Variants in SYCN observed in about 807,000 individuals in gnomAD.
SYCN encodes the protein insulin synthesis associated 1.
A neutral mutation model predicts 12.6 loss-of-function variants in SYCN; 16 were observed. The observed-to-expected ratio is 1.27, with a 90% confidence interval of 0.86 to 1.92. The LOEUF is 1.92. SYCN is among the 30% of genes most tolerant of loss of function. The probability of loss-of-function intolerance (pLI) is 0.00; values close to 1 mark genes in which losing one functional copy is unlikely to be tolerated. For missense variants in SYCN, 226 were observed against 181.8 expected (o/e 1.24, Z -1.40); for synonymous variants, 97 against 88.4 (o/e 1.10, Z -0.55).
rs1467173736 is a variant in SYCN, at chr19:39,204,025, G to C, written c.230C>G (p.Ala77Gly). ...PYLPSNWANT[A>G]SSLVVAPRCE... ...GCGCGGGGCCACCACAAGTGAGGAG[G>C]CGGTGTTGGCCCAGTTGGAGGGCAG... Residue 77 changes from alanine (A) to glycine (G), a missense_variant, in exon 1 of 2, where the codon GCC (alanine) becomes GGC (glycine). Coordinates refer to ENST00000318438, the MANE Select transcript of SYCN (RefSeq NM_001080468.4). The C allele has an allele frequency of 6.2e-7, 1 of 1,612,034 alleles. No individual in the cohort carries two copies. The highest frequency in any genetic ancestry group is 8.5e-7 in the Non-Finnish European group (1 of 1,179,140).
chr19:39,203,646 G>A (rs1476245004), intron 1 of SYCN, among the ~76,000 whole-genome samples: 1 of 151,892 alleles, frequency 6.6e-6, no homozygotes, highest in Non-Finnish European at 1.5e-5. Context: ...GTGGGGACCG[G>A]GTGCTGGGGG....
At position 39,203,555 on chromosome 19, in the gene SYCN, A is replaced by G. The variant is rs1171568139; in HGVS notation, c.395+305T>C. Reference sequence around the variant, plus strand: ...CTGTGGGCGGGTGGGTAGGCGGAAGATTCCAGAAGGTGGAGGGTTGGCTCT... The same window carrying G: ...CTGTGGGCGGGTGGGTAGGCGGAAGGTTCCAGAAGGTGGAGGGTTGGCTCT... On this transcript the variant is annotated intron_variant, in intron 1 of 1. Transcript: ENST00000318438. 2.0e-5 allele frequency among the ~76,000 whole-genome samples: 3 copies of G among 151,950 alleles called. No homozygotes were observed. The East Asian group carries it at 5.8e-4, about 29-fold the overall frequency.
Position 39,204,149 on chromosome 19 carries a change from GCGTCCCGTC to G in SYCN, c.97_105del (p.Asp33_Thr35del). On this transcript the variant is annotated inframe_deletion, in exon 1 of 2. Transcript: ENST00000318438. ...TTGTCATAGAGCTTGGCGCAAGTGC[GCGTCCCGTC>G]CGAGTGCTTGAGGTCGGCGGAGGCG... The G allele has an allele frequency of 6.2e-7, 1 of 1,612,716 alleles. No individual in the cohort carries two copies. The highest frequency in any genetic ancestry group is 8.5e-7 in the Non-Finnish European group (1 of 1,179,702).
chr19:39,203,723 G>A, intron 1 of SYCN, 137 bp downstream of exon 1: 2 of 1,058,456 alleles, frequency 1.9e-6, no homozygotes. Context: ...TGGTTCTAGG[G>A]AGGCCTGGTG....
chr19:39,203,369 G>A (rs532104074), intron 1 of SYCN, among the ~76,000 whole-genome samples: 2 of 151,982 alleles, frequency 1.3e-5, no homozygotes, highest in South Asian at 2.1e-4. Context: ...TCCTATAATC[G>A]AGTCTGGAGT....
chr19:39,203,368 C>T (rs2074796243), intron 1 of SYCN, among the ~76,000 whole-genome samples: 1 of 151,548 alleles, frequency 6.6e-6, no homozygotes, highest in South Asian at 2.1e-4. Context: ...TTCCTATAAT[C>T]GAGTCTGGAG....
Position 39,204,047 on chromosome 19 carries a change from G to A in SYCN, c.208C>T (p.Pro70Ser). Residue 70 changes from proline (P) to serine (S), a missense_variant, in exon 1 of 2, where the codon CCC becomes TCC. Physicochemically the swap from Pro to Ser is moderately conservative, Grantham distance 74 (BLOSUM62 -1). Coordinates refer to ENST00000318438, the MANE Select transcript of SYCN (RefSeq NM_001080468.4). ...LESGADLPYL[P>S]SNWANTASSL... ...GAGGCGGTGTTGGCCCAGTTGGAGG[G>A]CAGGTAGGGCAGGTCTGCGCCCGAC... The A allele has an allele frequency of 6.2e-7, 1 of 1,612,590 alleles. No individual in the cohort carries two copies. Among genetic ancestry groups the A allele is most frequent in the Non-Finnish European group, 8.5e-7 (1 of 1,179,370 alleles).
chr19:39,204,007 G>A lies in SYCN; in HGVS notation c.248C>T (p.Ala83Val). The change falls in exon 1 of 2, where the codon GCC becomes GTC. Residue 83 changes from alanine to valine, a missense_variant. By Grantham distance (64) the Ala-to-Val change is moderately conservative. Transcript: ENST00000318438. Reference protein sequence around the residue: ...WANTASSLVVAPRCELTVWSR... With the variant: ...WANTASSLVVVPRCELTVWSR... Reference sequence around the variant, plus strand: ...CCACACGGTGAGCTCGCAGCGCGGGGCCACCACAAGTGAGGAGGCGGTGTT... The same window carrying A: ...CCACACGGTGAGCTCGCAGCGCGGGACCACCACAAGTGAGGAGGCGGTGTT... 6.2e-7 allele frequency: 1 copy of A among 1,610,890 alleles called. No homozygotes were observed. The highest frequency in any genetic ancestry group is 8.5e-7 in the Non-Finnish European group (1 of 1,178,754).
rs1048699291 is a variant in SYCN at position 39,204,121 on chromosome 19, C to T, written c.134G>A (p.Ser45Asn). 2.5e-6 allele frequency: 4 copies of T among 1,613,060 alleles called. No homozygotes were observed. The highest frequency in any genetic ancestry group is 3.4e-6 in the Non-Finnish European group (4 of 1,179,726). The stretch of plus-strand genomic sequence containing the variant: ...GCAGCAGTTCTCATAGTAGGGGTCG[C>T]TCTTGTCATAGAGCTTGGCGCAAGT... ...TRTCAKLYDK[S>N]DPYYENCCGG... is the part of the protein sequence containing the mutation. Residue 45 changes from serine (S) to asparagine (N), a missense_variant, in exon 1 of 2, where the codon AGC becomes AAC. Coordinates refer to ENST00000318438, the MANE Select transcript of SYCN (RefSeq NM_001080468.4).
At position 39,203,856 on chromosome 19, in the gene SYCN, G is replaced by A. The variant is rs541002344; in HGVS notation, c.395+4C>T. On this transcript the variant is annotated splice_donor_region_variant and intron_variant, in intron 1 of 1. Coordinates refer to ENST00000318438, the MANE Select transcript of SYCN (RefSeq NM_001080468.4). The stretch of plus-strand genomic sequence containing the variant: ...TGGGCTCGGAGCTTTGGGCGGCCGG[G>A]CACCTGCAGTAGAGCGCGGAGATAG... The A allele has an allele frequency of 1.0e-4, 159 of 1,576,026 alleles. No homozygotes were observed. The highest frequency in any genetic ancestry group is 1.3e-4 in the Non-Finnish European group (154 of 1,157,200).
chr19:39,203,349 C>T (rs1204926556), intron 1 of SYCN, among the ~76,000 whole-genome samples: 2 of 151,868 alleles, frequency 1.3e-5, no homozygotes, highest in Non-Finnish European at 2.9e-5. Flanking sequence ...ATGAAGGCTA[C>T]ACTGGGTGTT....
chr19:39,202,910 C>T lies in SYCN; in HGVS notation c.*77G>A, dbSNP rs376350727. The T allele has an allele frequency of 3.7e-3, 5,716 of 1,535,344 alleles. 14 individuals carry two copies. The highest frequency in any genetic ancestry group is 4.5e-3 in the Non-Finnish European group (5,100 of 1,137,660). On this transcript the variant is annotated 3_prime_UTR_variant, in exon 2 of 2. Coordinates refer to ENST00000318438, the MANE Select transcript of SYCN (RefSeq NM_001080468.4). Reference sequence around the variant, plus strand: ...CTCCTCCTCCTGGGTCTTGGGGCCCCGGAGCAGAGCCCAGGGATGGGCTGA... The same window carrying T: ...CTCCTCCTCCTGGGTCTTGGGGCCCTGGAGCAGAGCCCAGGGATGGGCTGA...
At position 39,203,737 on chromosome 19, in the gene SYCN, C is replaced by T. The variant is rs1600436524; in HGVS notation, c.395+123G>A. ...CTGGTTCTAGGGAGGCCTGGTGCTCCCTGTTACAGTCGGGAGCTCAGGGGT... is the reference window on the plus strand; with the variant it reads ...CTGGTTCTAGGGAGGCCTGGTGCTCTCTGTTACAGTCGGGAGCTCAGGGGT... On this transcript the variant is annotated intron_variant, in intron 1 of 1. Transcript: ENST00000318438. 7 of 1,209,680 alleles carry T rather than the reference C, an allele frequency of 5.8e-6. No homozygotes were observed. In the East Asian group the frequency reaches 7.9e-5, roughly 14 times the overall value. The allele number at this position is 1,209,680 out of a possible 1,614,324, so 74.9% of individuals were successfully genotyped here.
chr19:39,203,146 T>G, intron 1 of SYCN, 150 bp from the exon 2 acceptor site: 1 of 738,124 alleles, frequency 1.4e-6, no homozygotes. Context: ...AGTTTGGAGC[T>G]GGGGGCTCCT....
chr19:39,204,129 A>T lies in SYCN; in HGVS notation c.126T>A (p.Tyr42Ter). 1 of 1,612,996 alleles carries T rather than the reference A, an allele frequency of 6.2e-7. No homozygotes were observed. The highest frequency in any genetic ancestry group is 8.5e-7 in the Non-Finnish European group (1 of 1,179,730). ...SDGTRTCAKL[Y>*]DKSDPYYENC... Reference sequence around the variant, plus strand: ...TCTCATAGTAGGGGTCGCTCTTGTCATAGAGCTTGGCGCAAGTGCGCGTCC... The same window carrying T: ...TCTCATAGTAGGGGTCGCTCTTGTCTTAGAGCTTGGCGCAAGTGCGCGTCC... The change falls in exon 1 of 2, where the codon TAT (tyrosine) becomes TAA (stop). Residue 42 changes from tyrosine to a stop codon, truncating the protein, a stop_gained. Transcript: ENST00000318438. LOFTEE classifies it high-confidence loss of function.
rs1319086833 is a variant in SYCN at position 39,203,928 on chromosome 19, C to T, written c.327G>A (p.Pro109=). 1.2e-6 allele frequency: 2 copies of T among 1,611,238 alleles called. No individual in the cohort carries two copies. The highest frequency in any genetic ancestry group is 3.4e-5 in the Admixed American group (2 of 59,588). The change falls in exon 1 of 2, where the codon CCG becomes CCA. Residue 109 remains proline, a synonymous_variant. Coordinates refer to ENST00000318438, the MANE Select transcript of SYCN (RefSeq NM_001080468.4). ...KTHKFSAGTY[P]RLEEYRRGIL... ...TGCCCCGGCGGTACTCCTCCAGGCG[C>T]GGGTAGGTGCCGGCAGAGAACTTGT...
intron 1 of SYCN, 48 bp from the exon 2 acceptor site, chr19:39,203,044 G>C: frequency 6.4e-7 from 1 of 1,553,058 alleles, no homozygotes; most frequent in Non-Finnish European, 8.7e-7. Flanking sequence ...GAGACCCAGA[G>C]TCTGGTGAGT....
intron 1 of SYCN, among the ~76,000 whole-genome samples, 182 bp from the exon 2 acceptor site, chr19:39,203,178 G>A (rs1600436240): frequency 6.6e-6 from 1 of 151,918 alleles, no homozygotes; most frequent in East Asian, 2.0e-4. Flanking sequence ...GGGGACAGGA[G>A]TGGCTGGGGA....
rs1185550913 is a variant in SYCN, at chr19:39,203,889, C to T, written c.366G>A (p.Trp122Ter). ...AGTAGAGCGCGGAGATAGCGTTGGACCAGTCTCCTAAGATGCCCCGGCGGT... is the reference window on the plus strand; with the variant it reads ...AGTAGAGCGCGGAGATAGCGTTGGATCAGTCTCCTAAGATGCCCCGGCGGT... ...EEYRRGILGD[W>*]SNAISALYCR... Residue 122 changes from tryptophan to a stop codon, truncating the protein, a stop_gained, in exon 1 of 2, where the codon TGG becomes TGA. Transcript: ENST00000318438. LOFTEE classifies it high-confidence loss of function. 1 of 1,609,306 alleles carries T rather than the reference C, an allele frequency of 6.2e-7. No homozygotes were observed. The highest frequency in any genetic ancestry group is 8.5e-7 in the Non-Finnish European group (1 of 1,177,548).
Sources: allele counts gnomAD v4.1 joint callset (sites outside exome capture counted in the v4.1 genomes callset), GRCh38; gene constraint gnomAD v4.1.1; transcripts MANE v1.5; gene names NCBI Gene and HGNC (gene_info 2026-07-23, HGNC 2026-07-21).